Variants in SRD5A2 observed in about 807,000 individuals in gnomAD.
The protein encoded by SRD5A2 is 3-oxo-5-alpha-steroid 4-dehydrogenase 2.
SRD5A2 carries 30 observed loss-of-function variants against 27.4 expected under a neutral mutation model. The ratio of observed to expected loss-of-function variants is 1.10; its 90% CI spans 0.82 to 1.49. The LOEUF (loss-of-function observed/expected upper bound fraction) is 1.49, where lower values mean the gene tolerates loss of function less well. Among genes scored for constraint, SRD5A2 ranks in the 40% most tolerant of loss-of-function variants. SRD5A2 has a pLI of 0.00. For synonymous variants in SRD5A2, 141 were observed against 133.6 expected, an observed-to-expected ratio of 1.06 and a Z score of -0.38; for missense variants, 348 against 323.4, an observed-to-expected ratio of 1.08 and a Z score of -0.58.
the SRD5A2 span, among the ~76,000 whole-genome samples, chr2:31,606,305 T>A: frequency 6.6e-6 from 1 of 152,024 alleles, no homozygotes; most frequent in Admixed American, 6.6e-5. Context: ...AATTGGATTG[T>A]TTGTAACACA....
chr2:31,599,106 A>T, the SRD5A2 span, among the ~76,000 whole-genome samples: 1 of 152,074 alleles, frequency 6.6e-6, no homozygotes, highest in Admixed American at 6.6e-5. Context: ...CAATTCAACA[A>T]GAGGATGTAA....
chr2:31,551,074 G>C (rs1308556368), intron 1 of SRD5A2, among the ~76,000 whole-genome samples: 1 of 151,930 alleles, frequency 6.6e-6, no homozygotes, highest in African/African-American at 2.4e-5. Flanking sequence ...TGAATATGTT[G>C]ACACTGAAAT....
chr2:31,625,830 T>C, the SRD5A2 span, among the ~76,000 whole-genome samples: 2 of 152,136 alleles, frequency 1.3e-5, no homozygotes, highest in Admixed American at 6.6e-5. Flanking sequence ...CTTAGGATTG[T>C]CTTGGCTATG....
At chr2:31,544,525 C>T (rs941731982) in intron 1 of SRD5A2, among the ~76,000 whole-genome samples, 3 of 151,678 alleles carry the variant, frequency 2.0e-5, no homozygotes, top group African/African-American at 7.3e-5. Flanking sequence ...GACAACATAA[C>T]ATACTAAAAC....
the SRD5A2 span, among the ~76,000 whole-genome samples, chr2:31,611,273 T>C: frequency 6.6e-6 from 1 of 152,254 alleles, no homozygotes; most frequent in South Asian, 2.1e-4. Context: ...TATAGATTCA[T>C]GAGTAAAATA....
At chr2:31,615,452 A>G in the SRD5A2 span, among the ~76,000 whole-genome samples, 1 of 152,192 alleles carries the variant, frequency 6.6e-6, no homozygotes, top group South Asian at 2.1e-4. Context: ...GTTTTAGCAA[A>G]GAGACTGGTG....
In SRD5A2 at chr2:31,524,526, C is replaced by T; in HGVS notation, c.*1670G>A. 2 of 230,052 alleles carry T rather than the reference C, an allele frequency of 8.7e-6. No homozygotes were observed. Among genetic ancestry groups the T allele is most frequent in the African/African-American group, 2.2e-5 (1 of 45,256 alleles). The allele number at this position is 230,052 out of a possible 1,614,324, so 14.3% of individuals were successfully genotyped here. A position where few individuals can be genotyped will look rare whatever the true frequency, so the allele number is the denominator to read the frequency against. ...CGGGACAGGGAAGCACACCCCAATA[C>T]CTTGTGAAAATCTCCAGAAGTCCCA... On this transcript the variant is annotated 3_prime_UTR_variant, in exon 5 of 5. Coordinates refer to ENST00000622030, the MANE Select transcript of SRD5A2 (RefSeq NM_000348.4).
the SRD5A2 span, among the ~76,000 whole-genome samples, chr2:31,613,571 A>G: frequency 6.6e-6 from 1 of 152,210 alleles, no homozygotes; most frequent in Non-Finnish European, 1.5e-5. Context: ...TGGTGAGAAT[A>G]TAAATTATTA....
At chr2:31,646,349 C>T in the SRD5A2 span, among the ~76,000 whole-genome samples, 2 of 152,170 alleles carry the variant, frequency 1.3e-5, no homozygotes, top group Admixed American at 1.3e-4. Context: ...CTCATGGTTG[C>T]ATTAGGCTTC....
chr2:31,559,583 T>TA (rs1217122278), intron 1 of SRD5A2, among the ~76,000 whole-genome samples: 8 of 151,764 alleles, frequency 5.3e-5, no homozygotes, highest in African/African-American at 4.8e-5. Context: ...AAATTGCTCT[T>TA]AAAAAAAGAA....
intron 1 of SRD5A2, among the ~76,000 whole-genome samples, chr2:31,560,439 T>C (rs1043003674): frequency 2.6e-5 from 4 of 152,214 alleles, no homozygotes; most frequent in South Asian, 2.1e-4. Flanking sequence ...ACTTTTTGTA[T>C]TTCTGTTTAA....
chr2:31,630,754 C>A, the SRD5A2 span, among the ~76,000 whole-genome samples: 1 of 152,206 alleles, frequency 6.6e-6, no homozygotes, highest in African/African-American at 2.4e-5. Context: ...TGGGGCTATT[C>A]TGTTAGAAAA....
the SRD5A2 span, among the ~76,000 whole-genome samples, chr2:31,654,023 C>T: frequency 6.6e-6 from 1 of 150,976 alleles, no homozygotes; most frequent in Middle Eastern, 3.2e-3. Flanking sequence ...ATAGGGGTTG[C>T]CAAAAGTAGC....
chr2:31,557,521 C>A (rs559866378), intron 1 of SRD5A2, among the ~76,000 whole-genome samples: 1 of 151,672 alleles, frequency 6.6e-6, no homozygotes, highest in African/African-American at 2.4e-5. Flanking sequence ...AAGGGTTATA[C>A]CATAGGAAAA....
At chr2:31,607,832 A>C in the SRD5A2 span, among the ~76,000 whole-genome samples, 1 of 151,886 alleles carries the variant, frequency 6.6e-6, no homozygotes, top group East Asian at 1.9e-4. Context: ...TTCTCACCCC[A>C]CCCCAGTGTG....
chr2:31,531,819 G>A (rs1665914962), intron 2 of SRD5A2, among the ~76,000 whole-genome samples: 1 of 152,162 alleles, frequency 6.6e-6, no homozygotes, highest in African/African-American at 2.4e-5. Flanking sequence ...TTCACAAACA[G>A]TCAAATCGAG....
In SRD5A2 at chr2:31,526,293, A is replaced by T. The variant is rs376161493; in HGVS notation, c.699-31T>A. 100 of 1,424,994 alleles carry T rather than the reference A, an allele frequency of 7.0e-5. No homozygotes were observed. In the African/African-American group the frequency reaches 1.3e-3, roughly 18 times the overall value. The allele number at this position is 1,424,994 out of a possible 1,614,324, so 88.3% of individuals were successfully genotyped here. A position where few individuals can be genotyped will look rare whatever the true frequency, so the allele number is the denominator to read the frequency against. The stretch of plus-strand genomic sequence containing the variant: ...AGACAAGAAAGGAATAATTGTAAAT[A>T]TAATGGAGCAGTGGCTGACAGCTGA... On this transcript the variant is annotated intron_variant, in intron 4 of 4. Coordinates refer to ENST00000622030, the MANE Select transcript of SRD5A2 (RefSeq NM_000348.4).
At chr2:31,626,917 A>C in the SRD5A2 span, among the ~76,000 whole-genome samples, 1 of 152,172 alleles carries the variant, frequency 6.6e-6, no homozygotes, top group African/African-American at 2.4e-5. Context: ...TGATTGGAAT[A>C]CTTTCAGAAG....
At chr2:31,547,891 ATAGT>A (rs928457634) in intron 1 of SRD5A2, among the ~76,000 whole-genome samples, 1 of 152,162 alleles carries the variant, frequency 6.6e-6, no homozygotes. Flanking sequence ...AGATATAGAT[ATAGT>A]TAGATAGATA....
Sources: gnomAD v4.1 joint callset for allele counts (sites outside exome capture counted in the v4.1 genomes callset) on GRCh38, gnomAD v4.1.1 for gene constraint, MANE v1.5 for transcripts, NCBI Gene and HGNC (gene_info 2026-07-23, HGNC 2026-07-21) for gene names.